Variants in FGF12 observed in about 807,000 individuals in gnomAD.
FGF12 encodes the protein fibroblast growth factor 12.
FGF12 carries 14 observed loss-of-function variants against 23.6 expected under a neutral mutation model. The observed-to-expected ratio is 0.59, with a 90% CI of 0.39 to 0.93. FGF12 has a LOEUF of 0.93. FGF12 is among the 40% of genes least tolerant of loss of function. The pLI, the probability that FGF12 is intolerant of heterozygous loss-of-function variation, is 0.00. For missense variants in FGF12, 175 were observed against 217.8 expected (o/e 0.80, Z 1.24); for synonymous variants, 62 against 77.3 (o/e 0.80, Z 1.04).
intron 4 of FGF12, among the ~76,000 whole-genome samples, chr3:192,196,677 A>G (rs1415507965): frequency 2.0e-5 from 3 of 152,212 alleles, no homozygotes; most frequent in Non-Finnish European, 1.5e-5. Context: ...CTTTCCGTCA[A>G]AAATAACACT....
In FGF12 at chr3:192,408,764, A is replaced by G. The variant is rs953439397; in HGVS notation, c.14-48226T>C. ...CGGTAGAAAATACTAAAAAGTGAAT[A>G]AAACGTTCCTTTAGAAAACAAGCCA... On this transcript the variant is annotated intron_variant, in intron 2 of 5. Coordinates refer to ENST00000445105, the MANE Select transcript of FGF12 (RefSeq NM_004113.6). This position sits in a 1 kb window ranked among gnomAD's most constrained non-coding sequence, Gnocchi z 7.3. 170 of 986,044 alleles carry G rather than the reference A, an allele frequency of 1.7e-4. No individual in the cohort carries two copies. The highest frequency in any genetic ancestry group is 2.0e-4 in the Non-Finnish European group (162 of 830,508). The allele number at this position is 986,044 out of a possible 1,614,324, so 61.1% of individuals were successfully genotyped here. A position where few individuals can be genotyped will look rare whatever the true frequency, so the allele number is the denominator to read the frequency against.
At chr3:192,563,715 A>T (rs1376173454) in intron 2 of FGF12, among the ~76,000 whole-genome samples, 3 of 152,252 alleles carry the variant, frequency 2.0e-5, no homozygotes, top group Admixed American at 2.0e-4. Flanking sequence ...TATTATCAAT[A>T]GATAAACACA....
intron 4 of FGF12, among the ~76,000 whole-genome samples, chr3:192,211,116 T>C (rs906402502): frequency 6.6e-6 from 1 of 152,196 alleles, no homozygotes; most frequent in Non-Finnish European, 1.5e-5. Flanking sequence ...TATTACAGTA[T>C]TCCAGAGGAG....
chr3:192,195,261 T>C (rs992805914), intron 4 of FGF12, among the ~76,000 whole-genome samples: 1 of 152,224 alleles, frequency 6.6e-6, no homozygotes, highest in Admixed American at 6.5e-5. Flanking sequence ...ATTTAAATGA[T>C]CAAAGAGAAA....
intron 4 of FGF12, among the ~76,000 whole-genome samples, chr3:192,271,682 A>G (rs1713448023): frequency 6.6e-6 from 1 of 151,936 alleles, no homozygotes; most frequent in African/African-American, 2.4e-5. Context: ...GTTTGGGGGG[A>G]AGTCTTTCCC....
chr3:192,188,235 T>C (rs1358591919), intron 4 of FGF12, among the ~76,000 whole-genome samples: 1 of 152,250 alleles, frequency 6.6e-6, no homozygotes, highest in Non-Finnish European at 1.5e-5. Flanking sequence ...GCAGGAATTC[T>C]AAGCATAGGA....
chr3:192,724,624 A>G (rs932370319), intron 2 of FGF12, among the ~76,000 whole-genome samples: 1 of 152,232 alleles, frequency 6.6e-6, no homozygotes, highest in African/African-American at 2.4e-5. Flanking sequence ...GGTGCACAAA[A>G]ATCGCTGAAA....
At chr3:192,189,506 G>A (rs1417947295) in intron 4 of FGF12, among the ~76,000 whole-genome samples, 3 of 152,060 alleles carry the variant, frequency 2.0e-5, no homozygotes, top group Admixed American at 6.5e-5. Context: ...CTATCCTCCC[G>A]GTACTTCAGA....
chr3:192,219,603 A>G (rs1275307696), intron 4 of FGF12, among the ~76,000 whole-genome samples: 5 of 152,178 alleles, frequency 3.3e-5, no homozygotes, highest in Non-Finnish European at 5.9e-5. Context: ...ATAAATTCCC[A>G]AAGTGGTTGA....
intron 4 of FGF12, chr3:192,238,810 A>G (rs1278352045): frequency 2.0e-5 from 3 of 152,152 alleles, no homozygotes; most frequent in Admixed American, 2.0e-4. Flanking sequence ...TCCACATGTA[A>G]TCCTCCTGGA....
intron 4 of FGF12, among the ~76,000 whole-genome samples, chr3:192,294,154 C>T (rs965529658): frequency 5.3e-5 from 8 of 152,112 alleles, no homozygotes; most frequent in African/African-American, 1.9e-4. Flanking sequence ...GGGACTTGTT[C>T]CTCCTTGCCT....
At chr3:192,390,173 C>T (rs1226298903) in intron 2 of FGF12, among the ~76,000 whole-genome samples, 1 of 152,186 alleles carries the variant, frequency 6.6e-6, no homozygotes, top group Non-Finnish European at 1.5e-5. Flanking sequence ...TCAGTAACTG[C>T]TGAGACATGC....
intron 4 of FGF12, among the ~76,000 whole-genome samples, chr3:192,266,382 G>GA (rs1310511642): frequency 6.6e-5 from 10 of 152,120 alleles, no homozygotes; most frequent in Admixed American, 4.6e-4. Flanking sequence ...GAATGAAGAT[G>GA]AAAATGAACA....
chr3:192,412,509 T>G (rs1364008605), intron 2 of FGF12, among the ~76,000 whole-genome samples: 1 of 152,222 alleles, frequency 6.6e-6, no homozygotes, highest in Non-Finnish European at 1.5e-5. Flanking sequence ...TAAAAGAATG[T>G]AGTGTTTTGG....
At chr3:192,172,765 C>T (rs1466895724) in intron 4 of FGF12, among the ~76,000 whole-genome samples, 2 of 150,858 alleles carry the variant, frequency 1.3e-5, no homozygotes, top group Admixed American at 6.7e-5. Flanking sequence ...ACAGTTGCCA[C>T]ACAATCCAAA....
intron 2 of FGF12, among the ~76,000 whole-genome samples, chr3:192,632,903 A>C (rs1467038654): frequency 6.6e-6 from 1 of 152,068 alleles, no homozygotes; most frequent in South Asian, 2.1e-4. Context: ...AATCTATTCC[A>C]TGCCTCTCTC....
intron 2 of FGF12, among the ~76,000 whole-genome samples, chr3:192,583,156 T>C (rs574456319): frequency 8.7e-4 from 132 of 152,296 alleles, no homozygotes; most frequent in African/African-American, 3.0e-3. Context: ...CAGTTTGCTA[T>C]CTAATTATAC....
chr3:192,533,057 T>C (rs895720688), intron 2 of FGF12, among the ~76,000 whole-genome samples: 1 of 152,194 alleles, frequency 6.6e-6, no homozygotes, highest in South Asian at 2.1e-4. Context: ...TTTTTGTAAT[T>C]GCATGGAGAA....
At chr3:192,260,818 G>T (rs1236141128) in intron 4 of FGF12, among the ~76,000 whole-genome samples, 1 of 152,114 alleles carries the variant, frequency 6.6e-6, no homozygotes, top group Non-Finnish European at 1.5e-5. Context: ...ACTTTACTAG[G>T]CTCTAACCCA....
Sources: allele counts gnomAD v4.1 joint callset (sites outside exome capture counted in the v4.1 genomes callset), GRCh38; gene constraint gnomAD v4.1.1; non-coding constraint Gnocchi (gnomAD v3.1); transcripts MANE v1.5; gene names NCBI Gene and HGNC (gene_info 2026-07-23, HGNC 2026-07-21).